The following MSX2 variants were observed in gnomAD, a reference collection of about 807,000 sequenced individuals.
MSX2 encodes homeobox protein MSX-2.
A neutral mutation model predicts 18.4 loss-of-function variants in MSX2; 10 were observed. The observed-to-expected ratio is 0.54, with a 90% CI of 0.34 to 0.92. The LOEUF is 0.92. Among genes scored for constraint, MSX2 ranks in the 40% least tolerant of loss-of-function variants. The pLI is 0.02. For synonymous variants in MSX2, 170 were observed against 165.6 expected (o/e 1.03, Z -0.20); for missense variants, 339 against 364.0 (o/e 0.93, Z 0.56).
At chr5:174,726,177 T>C (rs1760792301) in intron 1 of MSX2, among the ~76,000 whole-genome samples, 1 of 152,190 alleles carries the variant, frequency 6.6e-6, no homozygotes, top group East Asian at 1.9e-4. Flanking sequence ...TTGGCTTTTA[T>C]GGTTTCTCTA....
At chr5:174,729,030 A>T (rs1760865366) in intron 1 of MSX2, 129 bp from the exon 2 acceptor site, 6 of 771,500 alleles carry the variant, frequency 7.8e-6, no homozygotes, top group African/African-American at 1.7e-5. Flanking sequence ...TTTAAAGCTA[A>T]GTGCTTTCAG....
rs183157382 is a variant in MSX2, at chr5:174,729,153, C to T, written c.380-6C>T. 8 of 1,613,442 alleles carry T rather than the reference C, an allele frequency of 5.0e-6. No individual in the cohort carries two copies. In the Admixed American group the frequency reaches 1.2e-4, roughly 24 times the overall value. ...TTGCTAATCCGCTCCTCTCTCTGTT[C>T]TCTAGGACATATGAGCCCTACCACC... On this transcript the variant is annotated splice_polypyrimidine_tract_variant and splice_region_variant and intron_variant, in intron 1 of 1. Coordinates refer to ENST00000239243, the MANE Select transcript of MSX2 (RefSeq NM_002449.5).
chr5:174,729,684 C>G lies in MSX2; in HGVS notation c.*101C>G. On this transcript the variant is annotated 3_prime_UTR_variant, in exon 2 of 2. Transcript: ENST00000239243. Reference sequence around the variant, plus strand: ...CCAGCCAGTACTCCTGCTCTGCTAACCCTGCGTGCACCACCCTAAGCGGCT... The same window carrying G: ...CCAGCCAGTACTCCTGCTCTGCTAAGCCTGCGTGCACCACCCTAAGCGGCT... The G allele has an allele frequency of 7.8e-7, 1 of 1,282,732 alleles. No individual in the cohort carries two copies. Among genetic ancestry groups the G allele is most frequent in the Non-Finnish European group, 1.1e-6 (1 of 894,156 alleles). 79.5% of individuals were successfully genotyped at this position (1,282,732 alleles called of 1,614,324 possible). A position where few individuals can be genotyped will look rare whatever the true frequency, so the allele number is the denominator to read the frequency against.
At position 174,729,582 on chromosome 5, in the gene MSX2, A is replaced by G. The variant is rs1436220047; in HGVS notation, c.803A>G (p.Ter268=). The G allele has an allele frequency of 2.4e-5, 38 of 1,609,146 alleles. No homozygotes were observed. The highest frequency in any genetic ancestry group is 3.2e-5 in the Non-Finnish European group (38 of 1,179,770). The change falls in exon 2 of 2, where the codon TAA becomes TGA. Residue 268 remains the stop codon, a stop_retained_variant. Coordinates refer to ENST00000239243, the MANE Select transcript of MSX2 (RefSeq NM_002449.5). ...PVGYGMYHLS[*] ...GGATATGGCATGTACCACCTGTCCTAAGGAAGACCAGATCAATAGACTCCA... is the reference window on the plus strand; with the variant it reads ...GGATATGGCATGTACCACCTGTCCTGAGGAAGACCAGATCAATAGACTCCA...
chr5:174,725,103 G>GCT, intron 1 of MSX2, 65 bp downstream of exon 1: 1 of 1,581,490 alleles, frequency 6.3e-7, no homozygotes, highest in Admixed American at 1.9e-5. Flanking sequence ...GGGGGCGGGT[G>GCT]TTCCAGGGCT....
chr5:174,726,191 C>G lies in MSX2; in HGVS notation c.379+1153C>G, dbSNP rs369233647. On this transcript the variant is annotated intron_variant, in intron 1 of 1. Transcript: ENST00000239243. ...CTTGGCTTTTATGGTTTCTCTACCC[C>G]CTAATTTCCCACCACGCCATCCCCT... 5.3e-5 allele frequency among the ~76,000 whole-genome samples: 8 copies of G among 152,254 alleles called. No homozygotes were observed. The East Asian group carries it at 9.7e-4, about 18-fold the overall frequency.
At position 174,724,586 on chromosome 5, in the gene MSX2, C is replaced by CA. The variant is rs1760729160; in HGVS notation, c.-68dup. 3.9e-6 allele frequency: 6 copies of CA among 1,538,708 alleles called. No individual in the cohort carries two copies. The highest frequency in any genetic ancestry group is 4.4e-6 in the Non-Finnish European group (5 of 1,140,310). On this transcript the variant is annotated 5_prime_UTR_variant, in exon 1 of 2. Coordinates refer to ENST00000239243, the MANE Select transcript of MSX2 (RefSeq NM_002449.5). ...CAGCGCGCCCCTCCCGTCTCCGCAG[C>CA]AAAAAAGTTTGAGTCGCCGCTGCCG... is the stretch of plus-strand genomic sequence containing the variant.
rs1760735851 is a variant in MSX2 at position 174,724,703 on chromosome 5, A to G, written c.44A>G (p.Glu15Gly). ...GGCAATGACTTGTTTTCGCCCGACG[A>G]GGAGGGCCCAGCAGTGGTGGCCGGA... Reference protein sequence around the residue: ...SKGNDLFSPDEEGPAVVAGPG... With the variant: ...SKGNDLFSPDGEGPAVVAGPG... Residue 15 changes from glutamate to glycine, a missense_variant, in exon 1 of 2, where the codon GAG (glutamate) becomes GGG (glycine). Around this residue, in one of 2 missense-constraint regions of MSX2, gnomAD observed 211 missense variants for 185.4 expected, o/e 1.14. Transcript: ENST00000239243. 6.5e-7 allele frequency: 1 copy of G among 1,549,432 alleles called. No homozygotes were observed. Among genetic ancestry groups the G allele is most frequent in the Non-Finnish European group, 8.8e-7 (1 of 1,131,228 alleles).
rs1374535151 is a variant in MSX2 at position 174,724,975 on chromosome 5, T to C, written c.316T>C (p.Ser106Pro). 3 of 1,607,818 alleles carry C rather than the reference T, an allele frequency of 1.9e-6. No individual in the cohort carries two copies. The highest frequency in any genetic ancestry group is 2.5e-6 in the Non-Finnish European group (3 of 1,178,538). ...GCCCTTCGAGACCGCCTCGGTCAAG[T>C]CGGAAAATTCAGAAGATGGAGCGGC... ...VKPFETASVKSENSEDGAAWM... is the reference protein window; with the variant it reads ...VKPFETASVKPENSEDGAAWM... The change falls in exon 1 of 2, where the codon TCG becomes CCG. Residue 106 changes from serine to proline, a missense_variant. Ser to Pro is a moderately conservative substitution (Grantham distance 74). This residue lies in a region of MSX2 where 211 missense variants were observed against 185.4 expected (regional missense o/e 1.14). Transcript: ENST00000239243.
rs868557378 is a variant in MSX2 at position 174,729,398 on chromosome 5, A to C, written c.619A>C (p.Lys207Gln). The change falls in exon 2 of 2, where the codon AAG becomes CAG. Residue 207 changes from lysine (K) to glutamine (Q), a missense_variant. Transcript: ENST00000239243. Reference protein sequence around the residue: ...AKRLQEAELEKLKMAAKPMLP... With the variant: ...AKRLQEAELEQLKMAAKPMLP... Reference sequence around the variant, plus strand: ...AAGACTGCAGGAGGCAGAACTGGAAAAGCTGAAAATGGCTGCAAAACCTAT... The same window carrying C: ...AAGACTGCAGGAGGCAGAACTGGAACAGCTGAAAATGGCTGCAAAACCTAT... The C allele has an allele frequency of 6.2e-7, 1 of 1,614,174 alleles. No homozygotes were observed. The highest frequency in any genetic ancestry group is 1.1e-5 in the South Asian group (1 of 91,080).
chr5:174,724,586 C>G lies in MSX2; in HGVS notation c.-74C>G. 2 of 1,538,708 alleles carry G rather than the reference C, an allele frequency of 1.3e-6. No individual in the cohort carries two copies. The highest frequency in any genetic ancestry group is 8.8e-7 in the Non-Finnish European group (1 of 1,140,310). On this transcript the variant is annotated 5_prime_UTR_variant, in exon 1 of 2. Transcript: ENST00000239243. Reference sequence around the variant, plus strand: ...CAGCGCGCCCCTCCCGTCTCCGCAGCAAAAAAGTTTGAGTCGCCGCTGCCG... The same window carrying G: ...CAGCGCGCCCCTCCCGTCTCCGCAGGAAAAAAGTTTGAGTCGCCGCTGCCG...
At chr5:174,726,819 C>T (rs1379034834) in intron 1 of MSX2, among the ~76,000 whole-genome samples, 1 of 152,088 alleles carries the variant, frequency 6.6e-6, no homozygotes, top group Non-Finnish European at 1.5e-5. Flanking sequence ...ATGATACAGG[C>T]CTTAAATGGA....
intron 1 of MSX2, among the ~76,000 whole-genome samples, chr5:174,727,953 G>C (rs1172459857): frequency 6.6e-6 from 1 of 152,170 alleles, no homozygotes; most frequent in Non-Finnish European, 1.5e-5. Flanking sequence ...AATTAGCATA[G>C]CTCGTAAAAG....
intron 1 of MSX2, 65 bp from the exon 2 acceptor site, chr5:174,729,094 G>T (rs961218210): frequency 1.4e-5 from 22 of 1,532,626 alleles, no homozygotes; most frequent in South Asian, 1.3e-4. Flanking sequence ...GGGGAGATGG[G>T]TTTTTTTTAG....
chr5:174,729,205 T>TCGGAAGC lies in MSX2; in HGVS notation c.429_435dup (p.Arg146GlufsTer101). The TCGGAAGC allele has an allele frequency of 6.2e-7, 1 of 1,614,038 alleles. No homozygotes were observed. The highest frequency in any genetic ancestry group is 8.5e-7 in the Non-Finnish European group (1 of 1,180,022). On this transcript the variant is annotated frameshift_variant, in exon 2 of 2. Coordinates refer to ENST00000239243, the MANE Select transcript of MSX2 (RefSeq NM_002449.5). LOFTEE classifies it high-confidence loss of function. ...GCACCCTGAGGAAACACAAGACCAA[T>TCGGAAGC]CGGAAGCCGCGCACGCCCTTTACCA...
intron 1 of MSX2, among the ~76,000 whole-genome samples, chr5:174,728,824 A>G (rs899854392): frequency 1.4e-4 from 21 of 152,050 alleles, no homozygotes; most frequent in Non-Finnish European, 2.6e-4. Flanking sequence ...CATTTCCAAA[A>G]CTTTTCTTAA....
chr5:174,727,309 A>C (rs1363105952), intron 1 of MSX2, among the ~76,000 whole-genome samples: 1 of 151,890 alleles, frequency 6.6e-6, no homozygotes, highest in Non-Finnish European at 1.5e-5. Flanking sequence ...AGGGATGGGG[A>C]GTGTTGCATT....
At chr5:174,725,078 G>T (rs756965580) in intron 1 of MSX2, 40 bp downstream of exon 1, 1 of 1,604,418 alleles carries the variant, frequency 6.2e-7, no homozygotes, top group Middle Eastern at 1.7e-4. Flanking sequence ...GTAGCGCGGG[G>T]TACTGGAGGG....
At position 174,729,162 on chromosome 5, in the gene MSX2, A is replaced by G; in HGVS notation, c.383A>G (p.His128Arg). ...CGCTCCTCTCTCTGTTCTCTAGGAC[A>G]TATGAGCCCTACCACCTGCACCCTG... Reference protein sequence around the residue: ...EPGRYSPPPRHMSPTTCTLRK... With the variant: ...EPGRYSPPPRRMSPTTCTLRK... Residue 128 changes from histidine to arginine, a missense_variant, in exon 2 of 2, where the codon CAT becomes CGT. Physicochemically the swap from His to Arg is conservative, Grantham distance 29 (BLOSUM62 0). This residue lies in a region of MSX2 where 211 missense variants were observed against 185.4 expected (regional missense o/e 1.14). Transcript: ENST00000239243. 1 of 1,613,978 alleles carries G rather than the reference A, an allele frequency of 6.2e-7. No individual in the cohort carries two copies. Among genetic ancestry groups the G allele is most frequent in the Non-Finnish European group, 8.5e-7 (1 of 1,179,908 alleles).
Sources: allele counts gnomAD v4.1 joint callset (sites outside exome capture counted in the v4.1 genomes callset), GRCh38; gene constraint gnomAD v4.1.1; regional missense constraint gnomAD v4.1.1; transcripts MANE v1.5; gene names NCBI Gene and HGNC (gene_info 2026-07-23, HGNC 2026-07-21).